Variants in CUL2 observed in about 807,000 individuals in gnomAD.
CUL2 encodes the protein cullin-2.
CUL2 carries 22 observed loss-of-function variants against 110.2 expected under a neutral mutation model. That is an observed-to-expected ratio of 0.20 (90% confidence interval 0.14 to 0.28). The LOEUF (loss-of-function observed/expected upper bound fraction) is 0.28. Ranked by LOEUF, CUL2 falls within the 10% of genes least tolerant of loss-of-function variation. The pLI, the probability that CUL2 is intolerant of heterozygous loss-of-function variation, is 1.00. For missense variants in CUL2, 631 were observed against 905.5 expected, an observed-to-expected ratio of 0.70 and a Z score of 3.89; for synonymous variants, 279 against 293.2, an observed-to-expected ratio of 0.95 and a Z score of 0.49.
chr10:35,091,714 G>C (rs936807129), upstream of CUL2, among the ~76,000 whole-genome samples: 5 of 151,822 alleles, frequency 3.3e-5, no homozygotes, highest in Non-Finnish European at 5.9e-5. Flanking sequence ...TGCACCTCCC[G>C]GGTTCAAGTG....
At chr10:35,044,280 C>T (rs1355464233) in intron 8 of CUL2, among the ~76,000 whole-genome samples, 1 of 151,984 alleles carries the variant, frequency 6.6e-6, no homozygotes, top group Non-Finnish European at 1.5e-5. Context: ...ACTGATTATT[C>T]TGCCAAGAAT....
intron 17 of CUL2, among the ~76,000 whole-genome samples, chr10:35,024,706 T>C (rs909773797): frequency 6.6e-6 from 1 of 152,180 alleles, no homozygotes; most frequent in African/African-American, 2.4e-5. Context: ...TGCAAAAAGC[T>C]TTACTATTGC....
chr10:35,091,484 C>CT (rs1244321630), upstream of CUL2, among the ~76,000 whole-genome samples: 8 of 152,212 alleles, frequency 5.3e-5, no homozygotes, highest in South Asian at 1.7e-3. Flanking sequence ...ATTATGTGAC[C>CT]TTTTTTTCCT....
chr10:35,056,111 T>C (rs1031777669), intron 4 of CUL2, among the ~76,000 whole-genome samples: 2 of 152,232 alleles, frequency 1.3e-5, no homozygotes, highest in African/African-American at 4.8e-5. Flanking sequence ...TATTGGTTTC[T>C]TTTTTTGTGC....
intron 1 of CUL2, among the ~76,000 whole-genome samples, chr10:35,080,469 ATTTATTTATT>A (rs1225275470): frequency 6.9e-6 from 1 of 145,636 alleles, no homozygotes; most frequent in African/African-American, 2.7e-5. Context: ...TTATTTATTT[ATTTATTTATT>A]TTTGAGACAG....
intron 5 of CUL2, among the ~76,000 whole-genome samples, chr10:35,050,322 C>CA (rs71523355): frequency 0.22 from 20,005 of 90,426 alleles, 1,385 homozygotes; most frequent in Middle Eastern, 0.29. Flanking sequence ...GACTCCGTCT[C>CA]AAAAAAAAAA....
At chr10:35,066,984 T>C (rs939118782) in intron 2 of CUL2, among the ~76,000 whole-genome samples, 1 of 151,932 alleles carries the variant, frequency 6.6e-6, no homozygotes, top group Non-Finnish European at 1.5e-5. Flanking sequence ...AGATGCCTGA[T>C]AGAATATAAA....
chr10:35,028,663 C>T (rs1362117407), intron 16 of CUL2, 147 bp downstream of exon 16: 3 of 526,514 alleles, frequency 5.7e-6, no homozygotes, highest in Non-Finnish European at 1.0e-5. Flanking sequence ...AACTTACATT[C>T]TTCCTAAAGG....
chr10:35,021,822 G>A (rs1440402789), intron 17 of CUL2, among the ~76,000 whole-genome samples: 1 of 123,528 alleles, frequency 8.1e-6, no homozygotes, highest in Non-Finnish European at 1.7e-5. Flanking sequence ...GAGGTGGGGT[G>A]AGGTGAGGCG....
Position 35,121,018 on chromosome 10 carries a change from G to A in CUL2, c.-51+5587C>T, listed in dbSNP as rs570716405. Among the ~76,000 whole-genome samples the A allele has an allele frequency of 2.0e-5, 3 of 152,238 alleles. No homozygotes were observed. In the East Asian group the frequency reaches 5.8e-4, roughly 29 times the overall value. On this transcript the variant is annotated intron_variant, in intron 1 of 5. Transcript: ENST00000685421. ...GCTAATCCTTCATATCCCTTTCTAA[G>A]TTCATTTTTCCATGATTTATTTAAT...
At chr10:35,083,624 G>A (rs148266500) in intron 1 of CUL2, among the ~76,000 whole-genome samples, 5 of 152,276 alleles carry the variant, frequency 3.3e-5, no homozygotes, top group African/African-American at 9.6e-5. Flanking sequence ...GAGGGTGGGG[G>A]CATATCGAAA....
chr10:35,064,856 A>G (rs1171191191), intron 2 of CUL2, among the ~76,000 whole-genome samples: 1 of 152,138 alleles, frequency 6.6e-6, no homozygotes, highest in African/African-American at 2.4e-5. Flanking sequence ...ACTGCATGTA[A>G]ATGTAAACAA....
At chr10:35,023,674 T>C (rs1184213916) in intron 17 of CUL2, among the ~76,000 whole-genome samples, 1 of 151,784 alleles carries the variant, frequency 6.6e-6, no homozygotes, top group Admixed American at 6.6e-5. Context: ...TAACCAAGAA[T>C]GTTTAAACTC....
chr10:35,115,038 C>T (rs1005429611), intron 1 of CUL2, among the ~76,000 whole-genome samples: 2 of 151,454 alleles, frequency 1.3e-5, no homozygotes, highest in African/African-American at 4.9e-5. Flanking sequence ...ATGGCAAAAC[C>T]CCATCTCTAC....
At chr10:35,106,498 CT>C (rs1026705506) in intron 1 of CUL2, among the ~76,000 whole-genome samples, 5 of 146,108 alleles carry the variant, frequency 3.4e-5, no homozygotes, top group Non-Finnish European at 6.1e-5. Context: ...TTTTTTTTTT[CT>C]TTTTTTTTCT....
chr10:35,068,568 A>G (rs2086596638), intron 2 of CUL2, among the ~76,000 whole-genome samples: 1 of 152,148 alleles, frequency 6.6e-6, no homozygotes, highest in South Asian at 2.1e-4. Context: ...CTATTGTTCA[A>G]TGTTCTATTG....
chr10:35,051,176 G>A (rs1318128350), intron 5 of CUL2, among the ~76,000 whole-genome samples: 3 of 151,808 alleles, frequency 2.0e-5, no homozygotes, highest in Non-Finnish European at 4.4e-5. Flanking sequence ...TTAGCGGGGC[G>A]TGGTGGCGGG....
chr10:35,074,029 C>A, intron 1 of CUL2: 1 of 733,398 alleles, frequency 1.4e-6, no homozygotes, highest in South Asian at 1.5e-5. Flanking sequence ...GTGCTCTAGG[C>A]TGCTGTGTGC....
rs191522479 is a variant in CUL2, at chr10:35,099,262, G to A, written c.167+1582C>T. Among the ~76,000 whole-genome samples the A allele has an allele frequency of 5.8e-4, 88 of 152,040 alleles. 1 individual carries two copies. Among genetic ancestry groups the A allele is most frequent in the Admixed American group, 4.9e-3 (74 of 15,236 alleles). ...AAAAATTAGCTGGGCATGGTGTTAC[G>A]CGCCTGTAGTCCCAGCTACTCGGGA... is the stretch of plus-strand genomic sequence containing the variant. On this transcript the variant is annotated intron_variant, in intron 2 of 5. Coordinates refer to the CUL2 transcript ENST00000685421.
Sources: gnomAD v4.1 joint callset for allele counts (sites outside exome capture counted in the v4.1 genomes callset) on GRCh38, gnomAD v4.1.1 for gene constraint, MANE v1.5 for transcripts, NCBI Gene and HGNC (gene_info 2026-07-23, HGNC 2026-07-21) for gene names.